The following ARHGEF7 variants were observed in gnomAD, a reference collection of about 807,000 sequenced individuals.
ARHGEF7 encodes the protein PAK-interacting exchange factor beta.
ARHGEF7 carries 33 observed loss-of-function variants against 109.8 expected under a neutral mutation model. The ratio of observed to expected loss-of-function variants is 0.30; its 90% CI spans 0.23 to 0.40. The LOEUF is 0.40. Among genes scored for constraint, ARHGEF7 ranks in the 10% least tolerant of loss-of-function variants. The pLI is 1.00. For missense variants in ARHGEF7, 938 were observed against 1,098.5 expected, an observed-to-expected ratio of 0.85 and a Z score of 2.07; for synonymous variants, 458 against 424.6, an observed-to-expected ratio of 1.08 and a Z score of -0.97.
At chr13:111,120,484 C>CAG (rs1491014267) in intron 1 of ARHGEF7, among the ~76,000 whole-genome samples, 1 of 150,178 alleles carries the variant, frequency 6.7e-6, no homozygotes, top group African/African-American at 2.4e-5. Context: ...CACACACACA[C>CAG]AGACACATGC....
chr13:111,144,762 A>G (rs2075504690), intron 1 of ARHGEF7: 1 of 152,172 alleles, frequency 6.6e-6, no homozygotes, highest in Non-Finnish European at 1.5e-5. Context: ...TGTCTTGAGG[A>G]CTGTTTTGTG....
At chr13:111,264,722 A>G (rs747019133) in intron 8 of ARHGEF7, among the ~76,000 whole-genome samples, 3 of 152,222 alleles carry the variant, frequency 2.0e-5, no homozygotes, top group African/African-American at 4.8e-5. Context: ...TTTTTTACAC[A>G]GCACAGGGAA....
intron 2 of ARHGEF7, among the ~76,000 whole-genome samples, chr13:111,160,801 C>T (rs1357216910): frequency 1.3e-5 from 2 of 152,282 alleles, no homozygotes; most frequent in South Asian, 2.1e-4. Flanking sequence ...CCCCTTTGCT[C>T]CTCACCCTTC....
chr13:111,278,464 G>A (rs1460004875), intron 13 of ARHGEF7, among the ~76,000 whole-genome samples: 2 of 152,168 alleles, frequency 1.3e-5, no homozygotes, highest in South Asian at 2.1e-4. Flanking sequence ...TTGTGTTGGC[G>A]CAGCAAGGAC....
At position 111,185,694 on chromosome 13, in the gene ARHGEF7, G is replaced by A. The variant is rs540397880; in HGVS notation, c.253-19595G>A. ...GCGACAGCCAGGCTGTTCTTTGCAG[G>A]CATGTGCTCCTAGCAGTCGAAGACA... On this transcript the variant is annotated intron_variant, in intron 2 of 21. Transcript: ENST00000646102. Among the ~76,000 whole-genome samples, 5 of 152,354 alleles carry A rather than the reference G, an allele frequency of 3.3e-5. No individual in the cohort carries two copies. The South Asian group carries it at 1.0e-3, about 32-fold the overall frequency.
chr13:111,233,893 A>G (rs2086435968), intron 6 of ARHGEF7, among the ~76,000 whole-genome samples: 1 of 152,222 alleles, frequency 6.6e-6, no homozygotes, highest in Non-Finnish European at 1.5e-5. Context: ...GTCTCATGGT[A>G]CTAAATCTGT....
At chr13:111,125,138 A>G (rs2067474932) in intron 1 of ARHGEF7, among the ~76,000 whole-genome samples, 1 of 151,794 alleles carries the variant, frequency 6.6e-6, no homozygotes, top group African/African-American at 2.4e-5. Flanking sequence ...TTTTTTCAAG[A>G]GAAGTGAGGC....
intron 5 of ARHGEF7, among the ~76,000 whole-genome samples, chr13:111,231,070 T>TA (rs1430712798): frequency 6.6e-6 from 1 of 152,228 alleles, no homozygotes; most frequent in Non-Finnish European, 1.5e-5. Flanking sequence ...GGGTCACTGT[T>TA]ACGAAGTTCA....
At position 111,283,228 on chromosome 13, in the gene ARHGEF7, C is replaced by G; in HGVS notation, c.1815C>G (p.Pro605=). 1 of 1,592,880 alleles carries G rather than the reference C, an allele frequency of 6.3e-7. No individual in the cohort carries two copies. Among genetic ancestry groups the G allele is most frequent in the Non-Finnish European group, 8.5e-7 (1 of 1,171,642 alleles). ...CCGCCTACCACACGCTGCCCCACCCCTCCCACCACGGCACCCCGCACACCA... is the reference window on the plus strand; with the variant it reads ...CCGCCTACCACACGCTGCCCCACCCGTCCCACCACGGCACCCCGCACACCA... ...LTPAYHTLPH[P]SHHGTPHTTI... is the part of the protein sequence containing the mutation. Residue 605 remains proline (P), a synonymous_variant, in exon 16 of 22, where the codon CCC becomes CCG. Transcript: ENST00000646102.
chr13:111,195,481 C>T (rs188329463), intron 2 of ARHGEF7, among the ~76,000 whole-genome samples: 27 of 152,284 alleles, frequency 1.8e-4, no homozygotes, highest in Admixed American at 1.5e-3. Context: ...TGAGGATAGT[C>T]GTCCAGGACT....
intron 2 of ARHGEF7, among the ~76,000 whole-genome samples, chr13:111,186,060 C>T (rs2079226200): frequency 1.3e-5 from 2 of 151,128 alleles, no homozygotes; most frequent in Admixed American, 1.3e-4. Context: ...GAGGTACGGG[C>T]TGTGTGGGCC....
chr13:111,303,137 T>TG lies in ARHGEF7; in HGVS notation c.*25dup, dbSNP rs2093606965. ...AAGGGATGTCCTCAGTTCTTTCTGT[T>TG]GAAGACCAGTTCTGAGGTGAAGCTG... On this transcript the variant is annotated 3_prime_UTR_variant, in exon 22 of 22. Transcript: ENST00000646102. 1 of 1,602,466 alleles carries TG rather than the reference T, an allele frequency of 6.2e-7. No individual in the cohort carries two copies. The highest frequency in any genetic ancestry group is 1.3e-5 in the African/African-American group (1 of 74,640).
At chr13:111,190,140 G>T (rs995441950) in intron 2 of ARHGEF7, among the ~76,000 whole-genome samples, 4 of 152,186 alleles carry the variant, frequency 2.6e-5, no homozygotes, top group Non-Finnish European at 4.4e-5. Flanking sequence ...GCTCATTTGG[G>T]GTTCCATTTG....
intron 2 of ARHGEF7, among the ~76,000 whole-genome samples, chr13:111,158,482 C>G (rs1337232329): frequency 1.3e-5 from 2 of 152,206 alleles, no homozygotes; most frequent in Non-Finnish European, 2.9e-5. Flanking sequence ...CTCCTTGGCA[C>G]TGCAACTAAT....
At chr13:111,234,165 G>A (rs538905504) in intron 6 of ARHGEF7, among the ~76,000 whole-genome samples, 55 of 152,280 alleles carry the variant, frequency 3.6e-4, no homozygotes, top group African/African-American at 1.3e-3. Context: ...AATTGTTGGT[G>A]TGAAACAGCA....
At position 111,243,975 on chromosome 13, in the gene ARHGEF7, G is replaced by T; in HGVS notation, c.854+9G>T. The T allele has an allele frequency of 6.3e-7, 1 of 1,595,414 alleles. No individual in the cohort carries two copies. Among genetic ancestry groups the T allele is most frequent in the Non-Finnish European group, 8.6e-7 (1 of 1,163,868 alleles). On this transcript the variant is annotated intron_variant, in intron 7 of 21. Coordinates refer to ENST00000646102, the MANE Select transcript of ARHGEF7 (RefSeq NM_001354046.2). ...TTGCAGACCAGTGAGAAGTAAGTTA[G>T]ATGATAAATTGCATTAACTGTAAAA...
chr13:111,250,691 A>C (rs1437729909), intron 8 of ARHGEF7, among the ~76,000 whole-genome samples: 1 of 152,146 alleles, frequency 6.6e-6, no homozygotes, highest in Non-Finnish European at 1.5e-5. Context: ...TGGGGTGCCC[A>C]AGCTATATAC....
chr13:111,124,121 T>C (rs2067401384), intron 1 of ARHGEF7, among the ~76,000 whole-genome samples: 1 of 152,258 alleles, frequency 6.6e-6, no homozygotes, highest in South Asian at 2.1e-4. Context: ...TTCCTGTTTC[T>C]GGGAAGATTC....
intron 1 of ARHGEF7, among the ~76,000 whole-genome samples, chr13:111,142,480 C>G (rs1454268206): frequency 1.7e-5 from 1 of 58,328 alleles, no homozygotes; most frequent in East Asian, 5.1e-4. Flanking sequence ...TTGATTTCAG[C>G]CCACCCTGCT....
Sources: allele counts gnomAD v4.1 joint callset (sites outside exome capture counted in the v4.1 genomes callset), GRCh38; gene constraint gnomAD v4.1.1; transcripts MANE v1.5; gene names NCBI Gene and HGNC (gene_info 2026-07-23, HGNC 2026-07-21).